Variants in SUSD4 observed in about 807,000 individuals in gnomAD.
The protein encoded by SUSD4 is sushi domain containing 4, also known as sushi domain-containing protein 4.
In SUSD4, 41 loss-of-function variants were observed where a neutral mutation model predicts 50.5. The observed-to-expected ratio is 0.81, with a 90% CI of 0.63 to 1.05. SUSD4 has a LOEUF of 1.05. Among genes scored for constraint, SUSD4 ranks in the 50% least tolerant of loss-of-function variants. The pLI is 0.00. For synonymous variants in SUSD4, 257 were observed against 257.3 expected (o/e 1.00, Z 0.01); for missense variants, 580 against 634.7 (o/e 0.91, Z 0.93).
In SUSD4 at chr1:223,229,817, G is replaced by A. The variant is rs951123587; in HGVS notation, c.725-429C>T. Among the ~76,000 whole-genome samples the A allele has an allele frequency of 2.0e-5, 3 of 152,148 alleles. No individual in the cohort carries two copies. Among genetic ancestry groups the A allele is most frequent in the African/African-American group, 7.2e-5 (3 of 41,434 alleles). ...GTTTCTGTGACCACAGTAGTAATTT[G>A]GGTCTATTAAAATCACAGGGCAGTG... On this transcript the variant is annotated intron_variant, in intron 5 of 8. Transcript: ENST00000366878. The surrounding 1 kb of genome is among the most constrained non-coding windows in gnomAD (Gnocchi z 4.7).
chr1:223,240,907 T>C (rs1346586351), intron 5 of SUSD4, among the ~76,000 whole-genome samples: 3 of 152,206 alleles, frequency 2.0e-5, no homozygotes, highest in African/African-American at 7.2e-5. Flanking sequence ...GTAAGGAGGC[T>C]TTTGGTAATG....
At chr1:223,273,487 C>T (rs1663054293) in intron 3 of SUSD4, among the ~76,000 whole-genome samples, 1 of 152,230 alleles carries the variant, frequency 6.6e-6, no homozygotes, top group Non-Finnish European at 1.5e-5. Flanking sequence ...TGTCTGGGGG[C>T]TCTGGGCCAC....
chr1:223,268,042 T>TATATATATATATATATAG (rs869264392), intron 4 of SUSD4, among the ~76,000 whole-genome samples: 1 of 106,860 alleles, frequency 9.4e-6, no homozygotes, highest in Non-Finnish European at 1.7e-5. Context: ...TATATATATA[T>TATATATATATATATATAG]ACACACACAC....
chr1:223,330,032 A>C (rs772495844), intron 2 of SUSD4, among the ~76,000 whole-genome samples: 3 of 152,216 alleles, frequency 2.0e-5, no homozygotes, highest in African/African-American at 4.8e-5. Context: ...ATGGCAGTAT[A>C]GATGGATGGA....
At chr1:223,358,018 A>T (rs772863170) in intron 2 of SUSD4, among the ~76,000 whole-genome samples, 3 of 152,260 alleles carry the variant, frequency 2.0e-5, no homozygotes, top group South Asian at 2.1e-4. Context: ...CACAGCAAGG[A>T]TAAAGAGGAG....
Position 223,229,271 on chromosome 1 carries a change from G to C in SUSD4, c.842C>G (p.Thr281Ser). 5 of 1,613,264 alleles carry C rather than the reference G, an allele frequency of 3.1e-6. No homozygotes were observed. Among genetic ancestry groups the C allele is most frequent in the Non-Finnish European group, 4.2e-6 (5 of 1,179,298 alleles). Reference sequence around the variant, plus strand: ...GCAGGTGATGTACTTGTAGTCGCTGGTGAGGCTGTAGCCAGGATCGCAGTA... The same window carrying C: ...GCAGGTGATGTACTTGTAGTCGCTGCTGAGGCTGTAGCCAGGATCGCAGTA... ...EFYCDPGYSL[T>S]SDYKYITCQY... Residue 281 changes from threonine to serine, a missense_variant, in exon 6 of 9, where the codon ACC becomes AGC. Coordinates refer to ENST00000366878, the MANE Select transcript of SUSD4 (RefSeq NM_017982.4). This position sits in a 1 kb window ranked among gnomAD's most constrained non-coding sequence, Gnocchi z 4.7.
intron 3 of SUSD4, among the ~76,000 whole-genome samples, chr1:223,279,537 G>T (rs904932561): frequency 2.0e-5 from 3 of 152,062 alleles, no homozygotes; most frequent in African/African-American, 7.2e-5. Flanking sequence ...AGAAGTTAGA[G>T]AAAACAGGGT....
At chr1:223,313,485 T>C (rs1163902031) in intron 2 of SUSD4, among the ~76,000 whole-genome samples, 1 of 152,228 alleles carries the variant, frequency 6.6e-6, no homozygotes, top group Non-Finnish European at 1.5e-5. Context: ...ATATCCTATA[T>C]ATCCTTTATC....
At chr1:223,274,781 C>T (rs1444974275) in intron 3 of SUSD4, among the ~76,000 whole-genome samples, 2 of 152,088 alleles carry the variant, frequency 1.3e-5, no homozygotes, top group Non-Finnish European at 2.9e-5. Flanking sequence ...CTTCTAAGCA[C>T]ACGTGGAACA....
At chr1:223,224,240 G>A (rs1168985995) in intron 7 of SUSD4, among the ~76,000 whole-genome samples, 9 of 152,174 alleles carry the variant, frequency 5.9e-5, no homozygotes, top group Admixed American at 5.9e-4. Context: ...AAGAGGCTGA[G>A]GCAGGAGGAT....
intron 2 of SUSD4, among the ~76,000 whole-genome samples, chr1:223,354,282 G>A (rs1450901841): frequency 1.3e-5 from 2 of 150,526 alleles, no homozygotes; most frequent in East Asian, 3.9e-4. Flanking sequence ...AGTGTTGTTG[G>A]TTTCTTAAAA....
chr1:223,356,537 A>G (rs1158651588), intron 2 of SUSD4, among the ~76,000 whole-genome samples: 2 of 151,932 alleles, frequency 1.3e-5, no homozygotes, highest in Non-Finnish European at 2.9e-5. Context: ...CACCCTCCCA[A>G]AGTGCTGGGA....
chr1:223,222,190 T>C lies in SUSD4; in HGVS notation c.*2A>G, dbSNP rs1485809509. 3 of 1,613,684 alleles carry C rather than the reference T, an allele frequency of 1.9e-6. No individual in the cohort carries two copies. Among genetic ancestry groups the C allele is most frequent in the Middle Eastern group, 1.7e-4 (1 of 6,060 alleles). On this transcript the variant is annotated 3_prime_UTR_variant, in exon 9 of 9. Transcript: ENST00000366878. The stretch of plus-strand genomic sequence containing the variant: ...GGAGAGTCATCTGGATCTTGACCCA[T>C]ATTAGGGATCTTCTTCCATTAGAGG...
chr1:223,275,148 T>A (rs931154837), intron 3 of SUSD4, among the ~76,000 whole-genome samples: 1 of 152,218 alleles, frequency 6.6e-6, no homozygotes, highest in Non-Finnish European at 1.5e-5. Flanking sequence ...TAGAGAGTGC[T>A]TAACGGAATT....
rs760094683 is a variant in SUSD4, at chr1:223,227,803, G to A, written c.917-65C>T. On this transcript the variant is annotated intron_variant, in intron 6 of 8. Transcript: ENST00000366878. This position sits in a 1 kb window ranked among gnomAD's most constrained non-coding sequence, Gnocchi z 4.5. ...ACCATGAGAGGTGCCGAGGTTCCCC[G>A]TGGGCTCATTTGCTGGATTCATCTG... 306 of 1,525,668 alleles carry A rather than the reference G, an allele frequency of 2.0e-4. No homozygotes were observed. Among genetic ancestry groups the A allele is most frequent in the Middle Eastern group, 3.8e-4 (2 of 5,258 alleles). The allele number at this position is 1,525,668 out of a possible 1,614,324, so 94.5% of individuals were successfully genotyped here.
intron 2 of SUSD4, among the ~76,000 whole-genome samples, chr1:223,333,404 A>G (rs1194258521): frequency 6.6e-6 from 1 of 152,126 alleles, no homozygotes; most frequent in Non-Finnish European, 1.5e-5. Flanking sequence ...GCCTAGTCCT[A>G]TTACTCAATC....
rs569917050 is a variant in SUSD4, at chr1:223,329,534, T to C, written c.148+33744A>G. On this transcript the variant is annotated intron_variant, in intron 2 of 8. Transcript: ENST00000366878. ...GCTTTCTCTATTTTATAGTCATTTG[T>C]GTTCTGTGTTCATCTCTGCCTCTAA... is the stretch of plus-strand genomic sequence containing the variant. 1.0e-3 allele frequency among the ~76,000 whole-genome samples: 152 copies of C among 152,334 alleles called. 1 individual carries two copies. The highest frequency in any genetic ancestry group is 3.4e-3 in the Middle Eastern group (1 of 294).
intron 2 of SUSD4, among the ~76,000 whole-genome samples, chr1:223,320,018 A>G (rs1173676470): frequency 1.3e-5 from 2 of 152,302 alleles, no homozygotes; most frequent in South Asian, 2.1e-4. Context: ...GTGAACACCC[A>G]CGGCATTGTG....
chr1:223,362,202 A>G (rs1443045323), intron 2 of SUSD4, among the ~76,000 whole-genome samples: 1 of 152,222 alleles, frequency 6.6e-6, no homozygotes, highest in Non-Finnish European at 1.5e-5. Context: ...ACTCTGTGTT[A>G]AAGCCCAACT....
Sources: allele counts gnomAD v4.1 joint callset (sites outside exome capture counted in the v4.1 genomes callset), GRCh38; gene constraint gnomAD v4.1.1; non-coding constraint Gnocchi (gnomAD v3.1); transcripts MANE v1.5; gene names NCBI Gene and HGNC (gene_info 2026-07-23, HGNC 2026-07-21).